UGGT2: variants seen among roughly 807,000 people sequenced by gnomAD.
UGGT2 encodes UDP-glucose:glycoprotein glucosyltransferase 2.
Under a neutral mutation model 192.1 loss-of-function variants are expected in UGGT2, and 180 were observed. That is an observed-to-expected ratio of 0.94 (90% CI 0.83 to 1.06). The LOEUF (loss-of-function observed/expected upper bound fraction) is 1.06, where lower values mean the gene tolerates loss of function less well. UGGT2 is among the 50% of genes least tolerant of loss of function. The pLI is 0.00. For missense variants in UGGT2, 1,849 were observed against 1,795.7 expected, an observed-to-expected ratio of 1.03 and a Z score of -0.54; for synonymous variants, 580 against 591.0, an observed-to-expected ratio of 0.98 and a Z score of 0.27.
At chr13:95,929,834 G>A (rs1300397111) in intron 17 of UGGT2, among the ~76,000 whole-genome samples, 3 of 149,406 alleles carry the variant, frequency 2.0e-5, no homozygotes, top group African/African-American at 5.2e-5. Context: ...TGGTAGTTCT[G>A]TTTTAAGTTC....
At chr13:95,841,455 C>T (rs909474169) in intron 36 of UGGT2, among the ~76,000 whole-genome samples, 1 of 152,148 alleles carries the variant, frequency 6.6e-6, no homozygotes, top group Non-Finnish European at 1.5e-5. Context: ...GAGGAACACA[C>T]ATGGAGCAGT....
At chr13:95,890,003 T>C (rs2047754987) in intron 25 of UGGT2, among the ~76,000 whole-genome samples, 1 of 152,134 alleles carries the variant, frequency 6.6e-6, no homozygotes, top group African/African-American at 2.4e-5. Context: ...TCCCTCACAC[T>C]GTGTAGCTGC....
intron 10 of UGGT2, among the ~76,000 whole-genome samples, chr13:95,975,245 G>T (rs1328986301): frequency 6.6e-6 from 1 of 152,150 alleles, no homozygotes; most frequent in Non-Finnish European, 1.5e-5. Flanking sequence ...TAGGATTTGG[G>T]TTTTTAAGGG....
intron 7 of UGGT2, 82 bp from the exon 8 acceptor site, chr13:95,990,155 AT>A (rs2051412762): frequency 1.4e-6 from 1 of 717,646 alleles, no homozygotes; most frequent in Non-Finnish European, 2.2e-6. Context: ...GAAATTACAT[AT>A]TCCATGTAAT....
intron 10 of UGGT2, among the ~76,000 whole-genome samples, chr13:95,977,109 T>C (rs1093275): frequency 0.97 from 148,000 of 152,308 alleles, 72,056 homozygotes; most frequent in East Asian, 1. Context: ...AGAAGAAAAC[T>C]TAGGCAATAT....
chr13:96,003,279 C>A (rs1343893642), intron 5 of UGGT2, among the ~76,000 whole-genome samples: 1 of 152,124 alleles, frequency 6.6e-6, no homozygotes, highest in African/African-American at 2.4e-5. Flanking sequence ...AGTGAACCTG[C>A]ATCATAAAAT....
chr13:96,017,573 C>T (rs1457224652), intron 4 of UGGT2, among the ~76,000 whole-genome samples: 1 of 152,156 alleles, frequency 6.6e-6, no homozygotes, highest in African/African-American at 2.4e-5. Context: ...AACAGCCTAA[C>T]ACATAAAATC....
At chr13:95,891,729 A>G (rs1207951349) in intron 24 of UGGT2, among the ~76,000 whole-genome samples, 1 of 152,156 alleles carries the variant, frequency 6.6e-6, no homozygotes, top group Non-Finnish European at 1.5e-5. Flanking sequence ...TTAATTATAC[A>G]TTTTACATAT....
At chr13:95,970,054 T>A in intron 12 of UGGT2, 58 bp downstream of exon 12, 1 of 1,505,160 alleles carries the variant, frequency 6.6e-7, no homozygotes, top group Non-Finnish European at 9.0e-7. Flanking sequence ...TACTTCATTT[T>A]ATGTTAAGCC....
At chr13:95,939,256 C>T (rs550492048) in intron 16 of UGGT2, among the ~76,000 whole-genome samples, 1 of 152,252 alleles carries the variant, frequency 6.6e-6, no homozygotes, top group Admixed American at 6.5e-5. Context: ...CTTACAACCC[C>T]CTTGTTTTCT....
intron 12 of UGGT2, among the ~76,000 whole-genome samples, chr13:95,956,467 A>G (rs2050214810): frequency 1.3e-5 from 2 of 152,236 alleles, no homozygotes; most frequent in South Asian, 4.1e-4. Context: ...CAACTCAACA[A>G]AAAACAAAGA....
At chr13:96,024,765 C>A (rs890992517) in intron 2 of UGGT2, among the ~76,000 whole-genome samples, 1 of 152,164 alleles carries the variant, frequency 6.6e-6, no homozygotes, top group African/African-American at 2.4e-5. Context: ...GAGCAGTTCC[C>A]TGTGGATATC....
At chr13:95,841,314 G>C (rs1300858013) in intron 36 of UGGT2, among the ~76,000 whole-genome samples, 1 of 152,194 alleles carries the variant, frequency 6.6e-6, no homozygotes, top group Non-Finnish European at 1.5e-5. Flanking sequence ...TTGCTATTGA[G>C]TTATGGGAGT....
rs188695289 is a variant in UGGT2 at position 95,821,207 on chromosome 13, T to G, written c.4528+11720A>C. On this transcript the variant is annotated intron_variant, in intron 38 of 38. Transcript: ENST00000376747. ...CTGCACTAATATACAGTCCCAACAG[T>G]AGGGTAAAAGTGTTCCCTTTTCACC... is the stretch of plus-strand genomic sequence containing the variant. 1.3e-4 allele frequency among the ~76,000 whole-genome samples: 20 copies of G among 151,826 alleles called. 1 individual carries two copies. The highest frequency in any genetic ancestry group is 4.6e-4 in the African/African-American group (19 of 41,142).
chr13:95,947,890 G>A, intron 14 of UGGT2, 106 bp downstream of exon 14: 1 of 827,232 alleles, frequency 1.2e-6, no homozygotes, highest in Non-Finnish European at 2.0e-6. Flanking sequence ...TCAGGCACTA[G>A]AGCTAACCAT....
At chr13:96,032,205 T>A (rs1225438655) in intron 1 of UGGT2, among the ~76,000 whole-genome samples, 1 of 152,130 alleles carries the variant, frequency 6.6e-6, no homozygotes. Flanking sequence ...AAAGGCTTCA[T>A]GAGAAATTAC....
At chr13:95,930,261 TTTAA>T (rs1442482891) in intron 17 of UGGT2, among the ~76,000 whole-genome samples, 4 of 152,160 alleles carry the variant, frequency 2.6e-5, no homozygotes, top group South Asian at 2.1e-4. Flanking sequence ...TGTTGTACTC[TTTAA>T]TTAATTAGGT....
At chr13:95,972,812 G>T in intron 10 of UGGT2, 141 bp from the exon 11 acceptor site, 1 of 602,242 alleles carries the variant, frequency 1.7e-6, no homozygotes, top group Middle Eastern at 4.2e-4. Context: ...TGCAATTATT[G>T]ATCTCTGCCT....
intron 33 of UGGT2, among the ~76,000 whole-genome samples, chr13:95,858,627 C>T (rs1331098679): frequency 2.6e-5 from 4 of 152,172 alleles, no homozygotes; most frequent in Non-Finnish European, 5.9e-5. Context: ...GGACCCTACC[C>T]TAAGCATCTC....
Sources: allele counts gnomAD v4.1 joint callset (sites outside exome capture counted in the v4.1 genomes callset), GRCh38; gene constraint gnomAD v4.1.1; transcripts MANE v1.5; gene names NCBI Gene and HGNC (gene_info 2026-07-23, HGNC 2026-07-21).